Variants in ZRANB3 observed in about 807,000 individuals in gnomAD.
The protein encoded by ZRANB3 is zinc finger RANBP2-type containing 3.
Under a neutral mutation model 133.8 loss-of-function variants are expected in ZRANB3, and 125 were observed. That is an observed-to-expected ratio of 0.93 (90% CI 0.81 to 1.08). ZRANB3 has a LOEUF of 1.08. ZRANB3 is among the 50% of genes least tolerant of loss of function. The probability of loss-of-function intolerance (pLI) is 0.00; values close to 1 mark genes in which losing one functional copy is unlikely to be tolerated. For synonymous variants in ZRANB3, 387 were observed against 432.7 expected (o/e 0.89, Z 1.31); for missense variants, 1,229 against 1,275.5 (o/e 0.96, Z 0.56).
intron 2 of ZRANB3, among the ~76,000 whole-genome samples, chr2:135,461,176 T>C (rs1690746415): frequency 6.6e-6 from 1 of 152,236 alleles, no homozygotes; most frequent in Non-Finnish European, 1.5e-5. Context: ...CACTCCTGTA[T>C]AGCTCATGTA....
intron 12 of ZRANB3, among the ~76,000 whole-genome samples, chr2:135,235,507 T>A (rs1695245215): frequency 1.3e-5 from 2 of 152,054 alleles, no homozygotes. Context: ...TAGACCAATA[T>A]CCCTGATGAA....
chr2:135,259,862 G>C (rs532720961), intron 12 of ZRANB3, among the ~76,000 whole-genome samples: 1 of 151,988 alleles, frequency 6.6e-6, no homozygotes, highest in Non-Finnish European at 1.5e-5. Context: ...GGATGAAAGG[G>C]GGCTTAGACG....
At position 135,208,919 on chromosome 2, in the gene ZRANB3, C is replaced by T. The variant is rs779725032; in HGVS notation, c.2555G>A (p.Gly852Asp). 4.7e-5 allele frequency: 76 copies of T among 1,613,818 alleles called. No homozygotes were observed. The highest frequency in any genetic ancestry group is 6.3e-5 in the Non-Finnish European group (74 of 1,179,886). The change falls in exon 18 of 21, where the codon GGC (glycine) becomes GAC (aspartate). Residue 852 changes from glycine to aspartate, a missense_variant. Transcript: ENST00000264159. ...CTCCTTTGTGATCAGACGGACATGG[C>T]CCCCAACATTCTTCACTTTGTCCAT... ...ASMDKVKNVG[G>D]HVRLITKESR...
chr2:135,357,441 G>T (rs753630505), intron 3 of ZRANB3, among the ~76,000 whole-genome samples: 3 of 152,166 alleles, frequency 2.0e-5, no homozygotes, highest in Admixed American at 2.0e-4. Context: ...GATTACAGGC[G>T]CATGCCACCA....
At chr2:135,426,832 A>C (rs1346841451) in intron 2 of ZRANB3, among the ~76,000 whole-genome samples, 1 of 13,120 alleles carries the variant, frequency 7.6e-5, no homozygotes, top group Non-Finnish European at 1.1e-4. Flanking sequence ...ACTCTGTCTC[A>C]AAAAAAAAAA....
At chr2:135,483,739 G>A (rs940680280) in intron 2 of ZRANB3, among the ~76,000 whole-genome samples, 5 of 152,122 alleles carry the variant, frequency 3.3e-5, no homozygotes, top group African/African-American at 4.8e-5. Flanking sequence ...GCTTTCTCTT[G>A]TGGGCATTTA....
chr2:135,282,314 C>T (rs1242409241), intron 8 of ZRANB3, among the ~76,000 whole-genome samples: 1 of 151,670 alleles, frequency 6.6e-6, no homozygotes, highest in Non-Finnish European at 1.5e-5. Context: ...TAGACATTGT[C>T]TTCCGGTATC....
At chr2:135,439,586 C>T (rs1012307046) in intron 2 of ZRANB3, among the ~76,000 whole-genome samples, 2 of 152,188 alleles carry the variant, frequency 1.3e-5, no homozygotes, top group African/African-American at 4.8e-5. Context: ...ATAAGAATGA[C>T]TCTACCACTC....
intron 3 of ZRANB3, among the ~76,000 whole-genome samples, chr2:135,380,467 C>T (rs1480610319): frequency 6.6e-6 from 1 of 152,196 alleles, no homozygotes; most frequent in Admixed American, 6.5e-5. Flanking sequence ...AACTGTCTCT[C>T]AGACCACAGT....
At chr2:135,393,065 A>C (rs564703174) in intron 2 of ZRANB3, among the ~76,000 whole-genome samples, 1 of 152,086 alleles carries the variant, frequency 6.6e-6, no homozygotes, top group East Asian at 1.9e-4. Context: ...ACAGGGTTTC[A>C]CTATGTTGTT....
At chr2:135,527,796 T>C (rs1324314335) in intron 1 of ZRANB3, among the ~76,000 whole-genome samples, 1 of 152,226 alleles carries the variant, frequency 6.6e-6, no homozygotes, top group African/African-American at 2.4e-5. Flanking sequence ...CATTAAAACA[T>C]GTGTCCATAC....
At chr2:135,481,150 A>G (rs1247191894) in intron 2 of ZRANB3, among the ~76,000 whole-genome samples, 1 of 151,560 alleles carries the variant, frequency 6.6e-6, no homozygotes, top group Non-Finnish European at 1.5e-5. Context: ...TGGCTGGGTC[A>G]AATGGTATTT....
chr2:135,291,125 G>A (rs953418988), intron 8 of ZRANB3, among the ~76,000 whole-genome samples: 1 of 151,944 alleles, frequency 6.6e-6, no homozygotes, highest in African/African-American at 2.4e-5. Flanking sequence ...GCCTCCCAAA[G>A]TGCTGGGAAT....
At chr2:135,420,099 A>ATG (rs1175437783) in intron 2 of ZRANB3, among the ~76,000 whole-genome samples, 1 of 84,782 alleles carries the variant, frequency 1.2e-5, no homozygotes, top group Non-Finnish European at 1.9e-5. Flanking sequence ...ATTTATATAT[A>ATG]TATATATATA....
intron 6 of ZRANB3, among the ~76,000 whole-genome samples, chr2:135,332,127 AAAC>A (rs755411581): frequency 1.3e-5 from 2 of 152,142 alleles, no homozygotes; most frequent in African/African-American, 2.4e-5. Flanking sequence ...TAAAAAATGA[AAAC>A]AGTTTACTTA....
In ZRANB3 at chr2:135,275,616, GTTAAAA is replaced by G. The variant is rs761815197; in HGVS notation, c.1086+14_1086+19del. The G allele has an allele frequency of 3.9e-6, 6 of 1,555,926 alleles. No homozygotes were observed. The highest frequency in any genetic ancestry group is 5.2e-6 in the Non-Finnish European group (6 of 1,148,614). ...AAATATGCATTCTAAAAAGTATTTAGTTAAAAAATGGCAACATACCTTATTTTCGAT... is the reference window on the plus strand; with the variant it reads ...AAATATGCATTCTAAAAAGTATTTAGAATGGCAACATACCTTATTTTCGAT... On this transcript the variant is annotated intron_variant, in intron 9 of 20. Coordinates refer to ENST00000264159, the MANE Select transcript of ZRANB3 (RefSeq NM_032143.4).
rs747148962 is a variant in ZRANB3 at position 135,217,555 on chromosome 2, A to C, written c.2405T>G (p.Ile802Arg). 3.1e-6 allele frequency: 5 copies of C among 1,613,726 alleles called. No individual in the cohort carries two copies. The South Asian group carries it at 5.5e-5, about 18-fold the overall frequency. Residue 802 changes from isoleucine (I) to arginine (R), a missense_variant, in exon 17 of 21, where the codon ATA becomes AGA. Coordinates refer to ENST00000264159, the MANE Select transcript of ZRANB3 (RefSeq NM_032143.4). ...GAATAGCTGTCCACTTTTCCTGATTATCCTTTGCTTCATGGCAGTTAGACT... is the reference window on the plus strand; with the variant it reads ...GAATAGCTGTCCACTTTTCCTGATTCTCCTTTGCTTCATGGCAGTTAGACT... Reference protein sequence around the residue: ...WSSLTAMKQRIIRKSGQLFCS... With the variant: ...WSSLTAMKQRRIRKSGQLFCS...
intron 1 of ZRANB3, chr2:135,511,693 G>T: frequency 1.3e-6 from 1 of 766,768 alleles, no homozygotes; most frequent in Middle Eastern, 3.3e-4. Context: ...ATTTAGTGTG[G>T]CATAAGCATC....
At position 135,311,497 on chromosome 2, in the gene ZRANB3, G is replaced by A. The variant is rs541331404; in HGVS notation, c.966+1992C>T. 2.4e-4 allele frequency among the ~76,000 whole-genome samples: 37 copies of A among 151,838 alleles called. No homozygotes were observed. In the South Asian group the frequency reaches 4.2e-3, roughly 17 times the overall value. On this transcript the variant is annotated intron_variant, in intron 8 of 20. Coordinates refer to ENST00000264159, the MANE Select transcript of ZRANB3 (RefSeq NM_032143.4). ...AATGAAAATATATGACTACACAAAG[G>A]CCTGTACATGAATGATTATACCACT...
Sources: allele counts gnomAD v4.1 joint callset (sites outside exome capture counted in the v4.1 genomes callset), GRCh38; gene constraint gnomAD v4.1.1; transcripts MANE v1.5; gene names NCBI Gene and HGNC (gene_info 2026-07-23, HGNC 2026-07-21).